ANGPT1: variants seen among roughly 807,000 people sequenced by gnomAD.
The protein encoded by ANGPT1 is angiopoietin-1.
In ANGPT1, 17 loss-of-function variants were observed where a neutral mutation model predicts 62.2. That is an observed-to-expected ratio of 0.27 (90% CI 0.19 to 0.41). The LOEUF is 0.41. Among genes scored for constraint, ANGPT1 ranks in the 10% least tolerant of loss-of-function variants. ANGPT1 has a pLI of 1.00. For synonymous variants in ANGPT1, 199 were observed against 198.9 expected, an observed-to-expected ratio of 1.00 and a Z score of 0.00; for missense variants, 478 against 594.9, an observed-to-expected ratio of 0.80 and a Z score of 2.04.
At chr8:107,474,170 T>C (rs781059596) in intron 1 of ANGPT1, among the ~76,000 whole-genome samples, 4 of 151,498 alleles carry the variant, frequency 2.6e-5, no homozygotes, top group South Asian at 4.2e-4. Context: ...CTGAAGAACA[T>C]TGATGCAAAA....
chr8:107,312,522 C>T (rs562565817), intron 4 of ANGPT1, among the ~76,000 whole-genome samples: 2 of 152,208 alleles, frequency 1.3e-5, no homozygotes, highest in Non-Finnish European at 2.9e-5. Flanking sequence ...ACACAAAATT[C>T]CACTTTGAAG....
intron 8 of ANGPT1, among the ~76,000 whole-genome samples, chr8:107,256,582 C>T (rs935357209): frequency 6.6e-6 from 1 of 152,048 alleles, no homozygotes; most frequent in Admixed American, 6.5e-5. Context: ...GAAGAGTATG[C>T]CTGAGTTTAC....
intron 1 of ANGPT1, among the ~76,000 whole-genome samples, chr8:107,492,609 T>C (rs1812992270): frequency 7.3e-6 from 1 of 136,638 alleles, no homozygotes; most frequent in Non-Finnish European, 1.6e-5. Context: ...AGTGCTGGGA[T>C]TACAGGTGTG....
chr8:107,478,972 C>G (rs1349754090), intron 1 of ANGPT1, among the ~76,000 whole-genome samples: 1 of 152,134 alleles, frequency 6.6e-6, no homozygotes, highest in African/African-American at 2.4e-5. Flanking sequence ...GGCATCTTCT[C>G]TTTTTAAAAC....
intron 5 of ANGPT1, among the ~76,000 whole-genome samples, chr8:107,302,634 GTA>G (rs1347321054): frequency 2.6e-5 from 4 of 151,890 alleles, no homozygotes; most frequent in Non-Finnish European, 4.4e-5. Flanking sequence ...GTGGAAGACA[GTA>G]TACAAAAGAG....
intron 8 of ANGPT1, among the ~76,000 whole-genome samples, chr8:107,261,203 G>A (rs1224771035): frequency 6.6e-6 from 1 of 152,000 alleles, no homozygotes; most frequent in African/African-American, 2.4e-5. Flanking sequence ...TCATTTATGA[G>A]ATCAGGGAAG....
chr8:107,421,466 T>C (rs1312849578), intron 1 of ANGPT1, among the ~76,000 whole-genome samples: 1 of 152,202 alleles, frequency 6.6e-6, no homozygotes, highest in East Asian at 1.9e-4. Context: ...AGTCTCACTT[T>C]TTCTGTACCA....
intron 1 of ANGPT1, among the ~76,000 whole-genome samples, chr8:107,396,775 G>A (rs952762859): frequency 4.6e-5 from 7 of 151,792 alleles, no homozygotes; most frequent in African/African-American, 1.7e-4. Context: ...CTCCCACCAC[G>A]ACCCCCTAAA....
rs1229284578 is a variant in ANGPT1, at chr8:107,264,378, G to A, written c.1206-27C>T. The A allele has an allele frequency of 2.5e-6, 4 of 1,607,702 alleles. No individual in the cohort carries two copies. In the East Asian group the frequency reaches 8.9e-5, roughly 36 times the overall value. ...TGAAGTCAAAAAGAAAAAAAAGAAA[G>A]ATAAGCCATTCGACAGAATAACAGA... On this transcript the variant is annotated intron_variant, in intron 7 of 8. Coordinates refer to ENST00000517746, the MANE Select transcript of ANGPT1 (RefSeq NM_001146.5).
At chr8:107,285,223 T>C (rs1277360979) in intron 6 of ANGPT1, among the ~76,000 whole-genome samples, 1 of 152,146 alleles carries the variant, frequency 6.6e-6, no homozygotes, top group East Asian at 1.9e-4. Flanking sequence ...GATTTTTCAA[T>C]GAACACTATG....
chr8:107,463,011 C>T (rs1446690638), intron 1 of ANGPT1, among the ~76,000 whole-genome samples: 4 of 151,986 alleles, frequency 2.6e-5, no homozygotes, highest in Non-Finnish European at 5.9e-5. Flanking sequence ...CTGTGTAATC[C>T]CCTCCCCCGG....
At chr8:107,476,462 G>A (rs1489956305) in intron 1 of ANGPT1, among the ~76,000 whole-genome samples, 3 of 152,068 alleles carry the variant, frequency 2.0e-5, no homozygotes, top group Non-Finnish European at 4.4e-5. Context: ...GGGAGGGATA[G>A]CATTAGGAGA....
chr8:107,302,786 T>A (rs982942159), intron 5 of ANGPT1, among the ~76,000 whole-genome samples: 1 of 151,962 alleles, frequency 6.6e-6, no homozygotes, highest in Non-Finnish European at 1.5e-5. Flanking sequence ...TGAAGTAAGA[T>A]AGGAAATGTT....
intron 2 of ANGPT1, among the ~76,000 whole-genome samples, chr8:107,337,328 C>T (rs1815591270): frequency 6.6e-6 from 1 of 152,180 alleles, no homozygotes; most frequent in Admixed American, 6.5e-5. Flanking sequence ...TTCAACACCA[C>T]TATTACTACT....
At chr8:107,262,502 C>T (rs944072421) in intron 8 of ANGPT1, among the ~76,000 whole-genome samples, 1 of 152,192 alleles carries the variant, frequency 6.6e-6, no homozygotes, top group African/African-American at 2.4e-5. Context: ...AGATGAGTTT[C>T]TCTCCCTGCT....
At chr8:107,421,737 C>T (rs1003066348) in intron 1 of ANGPT1, among the ~76,000 whole-genome samples, 2 of 152,058 alleles carry the variant, frequency 1.3e-5, no homozygotes, top group South Asian at 4.1e-4. Flanking sequence ...CACAATGCTT[C>T]GTGTGCATTA....
chr8:107,438,177 T>C (rs1458998591), intron 1 of ANGPT1, among the ~76,000 whole-genome samples: 1 of 152,220 alleles, frequency 6.6e-6, no homozygotes, highest in African/African-American at 2.4e-5. Flanking sequence ...TACAGAATCA[T>C]TTGTTAATAA....
In ANGPT1 at chr8:107,392,593, T is replaced by TTTTAC. The variant is rs561419780; in HGVS notation, c.298-45501_298-45497dup. ...CCATTAACACAAATCTATCTTTATTTTTTACTTTGTTTATGTCATTTTTGC... is the reference window on the plus strand; with the variant it reads ...CCATTAACACAAATCTATCTTTATTTTTTACTTTACTTTGTTTATGTCATTTTTGC... On this transcript the variant is annotated intron_variant, in intron 1 of 8. Transcript: ENST00000517746. Among the ~76,000 whole-genome samples the TTTTAC allele has an allele frequency of 8.5e-5, 13 of 152,294 alleles. No individual in the cohort carries two copies. The East Asian group carries it at 2.5e-3, about 29-fold the overall frequency.
intron 1 of ANGPT1, among the ~76,000 whole-genome samples, chr8:107,419,097 C>T (rs1420266797): frequency 6.6e-6 from 1 of 152,116 alleles, no homozygotes; most frequent in Non-Finnish European, 1.5e-5. Flanking sequence ...TTCAGCCTGT[C>T]ATGCACACAG....
Sources: gnomAD v4.1 joint callset for allele counts (sites outside exome capture counted in the v4.1 genomes callset) on GRCh38, gnomAD v4.1.1 for gene constraint, MANE v1.5 for transcripts, NCBI Gene and HGNC (gene_info 2026-07-23, HGNC 2026-07-21) for gene names.